PRKAR1A: variants seen among roughly 807,000 people sequenced by gnomAD.
PRKAR1A encodes cAMP-dependent protein kinase type I-alpha regulatory subunit.
PRKAR1A carries 3 observed loss-of-function variants against 52.0 expected under a neutral mutation model. The ratio of observed to expected loss-of-function variants is 0.06; its 90% CI spans 0.03 to 0.15. PRKAR1A has a LOEUF of 0.15. Among genes scored for constraint, PRKAR1A ranks in the 10% least tolerant of loss-of-function variants. The probability of loss-of-function intolerance (pLI) is 1.00; values close to 1 mark genes in which losing one functional copy is unlikely to be tolerated. For synonymous variants in PRKAR1A, 188 were observed against 168.4 expected, an observed-to-expected ratio of 1.12 and a Z score of -0.90; for missense variants, 240 against 477.4, an observed-to-expected ratio of 0.50 and a Z score of 4.63.
At chr17:68,426,015 C>A in the PRKAR1A span, 6 of 1,387,014 alleles carry the variant, frequency 4.3e-6, no homozygotes, top group African/African-American at 7.1e-5. Flanking sequence ...TCGTATGAGG[C>A]GAAGGTTTCC....
chr17:68,451,886 T>C, the PRKAR1A span, among the ~76,000 whole-genome samples: 1 of 152,220 alleles, frequency 6.6e-6, no homozygotes. Context: ...GCACATTCTT[T>C]TCATATGTGT....
At chr17:68,496,284 C>T in the PRKAR1A span, among the ~76,000 whole-genome samples, 2 of 151,164 alleles carry the variant, frequency 1.3e-5, no homozygotes, top group Non-Finnish European at 3.0e-5. Flanking sequence ...TCAAATGATC[C>T]ACCTCCCTTG....
rs535593370 is a variant in PRKAR1A, at chr17:68,523,970, G to A, written c.441-46G>A. ...TCTAAGCTTAATGTTTGAAATTCACGGAAGAGACATGTGAAATGTAACACG... is the reference window on the plus strand; with the variant it reads ...TCTAAGCTTAATGTTTGAAATTCACAGAAGAGACATGTGAAATGTAACACG... On this transcript the variant is annotated intron_variant, in intron 4 of 10. Transcript: ENST00000589228. 5.0e-6 allele frequency: 8 copies of A among 1,604,152 alleles called. No homozygotes were observed. In the African/African-American group the frequency reaches 8.0e-5, roughly 16 times the overall value.
the PRKAR1A span, among the ~76,000 whole-genome samples, chr17:68,454,020 A>G: frequency 6.6e-6 from 1 of 152,236 alleles, no homozygotes; most frequent in Non-Finnish European, 1.5e-5. Flanking sequence ...ACCAACAAAC[A>G]AAATACAAAC....
At chr17:68,419,606 C>T in the PRKAR1A span, among the ~76,000 whole-genome samples, 2 of 151,972 alleles carry the variant, frequency 1.3e-5, no homozygotes, top group Non-Finnish European at 2.9e-5. Flanking sequence ...GATTTTGTGT[C>T]AATAAAGATA....
chr17:68,502,507 T>G, the PRKAR1A span, among the ~76,000 whole-genome samples: 1 of 152,060 alleles, frequency 6.6e-6, no homozygotes, highest in African/African-American at 2.4e-5. Context: ...TCCCAGCACT[T>G]TTGGAGGCTG....
At chr17:68,491,788 C>CAA in the PRKAR1A span, among the ~76,000 whole-genome samples, 20 of 136,522 alleles carry the variant, frequency 1.5e-4, no homozygotes, top group Non-Finnish European at 2.4e-4. Context: ...TGCTAACGCA[C>CAA]AAAAAAAAAA....
chr17:68,530,794 A>G lies in PRKAR1A; in HGVS notation c.*345A>G. Reference sequence around the variant, plus strand: ...CATAGAGTAATGATGTAACAGTGCAAGATTTTTTTTTTAAGTGACATAATT... The same window carrying G: ...CATAGAGTAATGATGTAACAGTGCAGGATTTTTTTTTTAAGTGACATAATT... On this transcript the variant is annotated 3_prime_UTR_variant, in exon 11 of 11. Transcript: ENST00000589228. 1 of 1,265,722 alleles carries G rather than the reference A, an allele frequency of 7.9e-7. No homozygotes were observed. Among genetic ancestry groups the G allele is most frequent in the Non-Finnish European group, 1.0e-6 (1 of 994,638 alleles). 78.4% of individuals were successfully genotyped at this position (1,265,722 alleles called of 1,614,324 possible).
chr17:68,517,710 C>T (rs2085477596), intron 2 of PRKAR1A, among the ~76,000 whole-genome samples: 1 of 152,136 alleles, frequency 6.6e-6, no homozygotes, highest in Non-Finnish European at 1.5e-5. Context: ...CATATCATTC[C>T]ACCTCTGGCC....
chr17:68,499,636 C>T, the PRKAR1A span, among the ~76,000 whole-genome samples: 1 of 152,180 alleles, frequency 6.6e-6, no homozygotes, highest in African/African-American at 2.4e-5. Context: ...GGAAAATGCA[C>T]GTTGGGTTTC....
intron 1 of PRKAR1A, among the ~76,000 whole-genome samples, chr17:68,513,638 A>G (rs1433921410): frequency 6.6e-6 from 1 of 152,202 alleles, no homozygotes; most frequent in East Asian, 1.9e-4. Context: ...AAATAAGTAC[A>G]CATAGAGAAT....
the PRKAR1A span, among the ~76,000 whole-genome samples, chr17:68,454,511 C>T: frequency 5.3e-5 from 8 of 152,156 alleles, no homozygotes; most frequent in Non-Finnish European, 1.0e-4. Flanking sequence ...GGTGACGTCT[C>T]GCAGCCCTCC....
chr17:68,455,790 A>T, the PRKAR1A span, among the ~76,000 whole-genome samples: 1 of 152,244 alleles, frequency 6.6e-6, no homozygotes, highest in Non-Finnish European at 1.5e-5. Context: ...AGTATAAATT[A>T]ACACCCTTTT....
the PRKAR1A span, among the ~76,000 whole-genome samples, chr17:68,491,757 A>G: frequency 1.3e-5 from 2 of 152,020 alleles, no homozygotes; most frequent in African/African-American, 4.8e-5. Flanking sequence ...CAAAAGCAGA[A>G]TTTCCCCTCC....
chr17:68,443,192 C>G, the PRKAR1A span, among the ~76,000 whole-genome samples: 2 of 152,118 alleles, frequency 1.3e-5, no homozygotes, highest in African/African-American at 2.4e-5. Flanking sequence ...CTCACTGAAG[C>G]CTCCGCCTCC....
At chr17:68,446,001 T>A in the PRKAR1A span, among the ~76,000 whole-genome samples, 3 of 152,108 alleles carry the variant, frequency 2.0e-5, no homozygotes, top group Non-Finnish European at 2.9e-5. Context: ...CTCAGCCAGC[T>A]CCTTTTATTC....
chr17:68,456,709 G>A, the PRKAR1A span, among the ~76,000 whole-genome samples: 4 of 152,224 alleles, frequency 2.6e-5, no homozygotes, highest in Non-Finnish European at 2.9e-5. Context: ...AGGAGATCCT[G>A]CCTGGCTGGG....
At chr17:68,436,374 C>T in the PRKAR1A span, 1 of 1,613,464 alleles carries the variant, frequency 6.2e-7, no homozygotes, top group Admixed American at 1.7e-5. Flanking sequence ...AGGTCACCGT[C>T]AACTTACCAG....
chr17:68,521,373 G>A (rs1370759199), intron 2 of PRKAR1A, among the ~76,000 whole-genome samples: 1 of 152,224 alleles, frequency 6.6e-6, no homozygotes, highest in Non-Finnish European at 1.5e-5. Flanking sequence ...GGGACTACAG[G>A]TGTGTGCCAC....
Sources: allele counts gnomAD v4.1 joint callset (sites outside exome capture counted in the v4.1 genomes callset), GRCh38; gene constraint gnomAD v4.1.1; transcripts MANE v1.5; gene names NCBI Gene and HGNC (gene_info 2026-07-23, HGNC 2026-07-21).